Variants in SPECC1L observed in about 807,000 individuals in gnomAD.
The protein encoded by SPECC1L is sperm antigen with calponin homology and coiled-coil domains 1 like.
SPECC1L carries 40 observed loss-of-function variants against 116.8 expected under a neutral mutation model. That is an observed-to-expected ratio of 0.34 (90% CI 0.27 to 0.45). The LOEUF is 0.45. Among genes scored for constraint, SPECC1L ranks in the 20% least tolerant of loss-of-function variants. The probability of loss-of-function intolerance (pLI) is 1.00; values close to 1 mark genes in which losing one functional copy is unlikely to be tolerated. For synonymous variants in SPECC1L, 504 were observed against 500.6 expected, an observed-to-expected ratio of 1.01 and a Z score of -0.09; for missense variants, 1,110 against 1,373.6, an observed-to-expected ratio of 0.81 and a Z score of 3.03.
chr22:24,339,811 C>T (rs2041135506), intron 10 of SPECC1L, among the ~76,000 whole-genome samples: 1 of 152,158 alleles, frequency 6.6e-6, no homozygotes, highest in Non-Finnish European at 1.5e-5. Flanking sequence ...GAAACGGGGT[C>T]TCCCTCTGTC....
At chr22:24,355,126 A>G (rs1160369826) in intron 11 of SPECC1L, among the ~76,000 whole-genome samples, 1 of 151,756 alleles carries the variant, frequency 6.6e-6, no homozygotes, top group Non-Finnish European at 1.5e-5. Flanking sequence ...TAAAAATACA[A>G]AAATTAATTA....
At chr22:24,280,759 T>A (rs1301413422) in intron 2 of SPECC1L, among the ~76,000 whole-genome samples, 1 of 151,992 alleles carries the variant, frequency 6.6e-6, no homozygotes, top group Non-Finnish European at 1.5e-5. Context: ...TGTATTTTTT[T>A]GTAGAGGCGG....
chr22:24,312,486 T>C (rs937136066), intron 3 of SPECC1L, among the ~76,000 whole-genome samples: 1 of 152,228 alleles, frequency 6.6e-6, no homozygotes, highest in Admixed American at 6.5e-5. Flanking sequence ...GTTGGCTAAC[T>C]CATGCCAAAG....
At chr22:24,371,579 C>G (rs1224538161) in intron 14 of SPECC1L, among the ~76,000 whole-genome samples, 1 of 152,140 alleles carries the variant, frequency 6.6e-6, no homozygotes, top group African/African-American at 2.4e-5. Context: ...TTAAAGCACA[C>G]ACTCTAAATA....
At chr22:24,344,872 G>A (rs917345523) in intron 10 of SPECC1L, among the ~76,000 whole-genome samples, 6 of 152,102 alleles carry the variant, frequency 3.9e-5, no homozygotes, top group African/African-American at 9.7e-5. Flanking sequence ...AAATATTGCC[G>A]AGAAAAATTG....
chr22:24,322,638 A>G lies in SPECC1L; in HGVS notation c.1658A>G (p.Lys553Arg), dbSNP rs1401917255. ...HMERIIESEQ[K>R]GKAALAATLE... Reference sequence around the variant, plus strand: ...GAGCGAATTATTGAGTCTGAGCAGAAAGGAAAAGCAGCCTTGGCAGCCACG... The same window carrying G: ...GAGCGAATTATTGAGTCTGAGCAGAGAGGAAAAGCAGCCTTGGCAGCCACG... The change falls in exon 5 of 17, where the codon AAA (lysine) becomes AGA (arginine). Residue 553 changes from lysine (K) to arginine (R), a missense_variant. Coordinates refer to ENST00000314328, the MANE Select transcript of SPECC1L (RefSeq NM_015330.6). The G allele has an allele frequency of 6.2e-7, 1 of 1,613,998 alleles. No individual in the cohort carries two copies. The highest frequency in any genetic ancestry group is 1.1e-5 in the South Asian group (1 of 91,044).
At chr22:24,342,185 G>A (rs373549891) in intron 10 of SPECC1L, among the ~76,000 whole-genome samples, 13 of 152,290 alleles carry the variant, frequency 8.5e-5, no homozygotes, top group Admixed American at 5.2e-4. Context: ...AATCTGGCAT[G>A]CAATAAAAAA....
chr22:24,382,241 C>CT (rs2042075626), intron 14 of SPECC1L, among the ~76,000 whole-genome samples: 3 of 152,238 alleles, frequency 2.0e-5, no homozygotes, highest in African/African-American at 7.2e-5. Flanking sequence ...TTTACCCCTG[C>CT]TTTTTTCCCT....
chr22:24,409,000 C>T (rs866080480), intron 14 of SPECC1L, among the ~76,000 whole-genome samples: 5 of 152,232 alleles, frequency 3.3e-5, no homozygotes, highest in Non-Finnish European at 7.3e-5. Flanking sequence ...CCTTGCAGCT[C>T]TGAGCCTGGG....
chr22:24,392,923 G>T (rs1194107961), intron 14 of SPECC1L, among the ~76,000 whole-genome samples: 1 of 152,228 alleles, frequency 6.6e-6, no homozygotes, highest in Non-Finnish European at 1.5e-5. Context: ...TGTGGCCAGA[G>T]CACTTCTATG....
chr22:24,329,044 C>T (rs1337566064), intron 7 of SPECC1L, 125 bp downstream of exon 7: 1 of 758,814 alleles, frequency 1.3e-6, no homozygotes, highest in Non-Finnish European at 2.3e-6. Context: ...CCCCATTGGG[C>T]TTTGGGCAGA....
intron 14 of SPECC1L, among the ~76,000 whole-genome samples, chr22:24,400,321 A>G (rs1443054143): frequency 1.3e-5 from 2 of 152,228 alleles, no homozygotes; most frequent in East Asian, 3.8e-4. Context: ...AGAATCATAC[A>G]GTATGTAGCC....
intron 13 of SPECC1L, among the ~76,000 whole-genome samples, chr22:24,368,795 C>T (rs372172682): frequency 2.0e-5 from 3 of 152,098 alleles, no homozygotes; most frequent in East Asian, 1.9e-4. Flanking sequence ...TACAGACACC[C>T]GCCACCATGC....
At chr22:24,399,618 T>G (rs1194054115) in intron 14 of SPECC1L, among the ~76,000 whole-genome samples, 1 of 151,992 alleles carries the variant, frequency 6.6e-6, no homozygotes, top group Non-Finnish European at 1.5e-5. Context: ...CAAAACATAC[T>G]ATAGATTTTG....
chr22:24,332,882 A>G (rs144330294), intron 8 of SPECC1L, among the ~76,000 whole-genome samples: 322 of 152,284 alleles, frequency 2.1e-3, no homozygotes, highest in Middle Eastern at 6.8e-3. Context: ...TAGGAGTAGA[A>G]AGGGGCTCTA....
At chr22:24,302,147 G>T (rs200832283) in intron 2 of SPECC1L, 48 bp from the exon 3 acceptor site, 6 of 1,379,878 alleles carry the variant, frequency 4.3e-6, no homozygotes, top group Non-Finnish European at 6.1e-6. Context: ...TTTCTAAAGC[G>T]CTTCCTTCCA....
intron 14 of SPECC1L, among the ~76,000 whole-genome samples, chr22:24,396,825 A>C (rs1370261728): frequency 6.6e-6 from 1 of 152,016 alleles, no homozygotes; most frequent in Non-Finnish European, 1.5e-5. Context: ...ACCCTACCCT[A>C]CTGTGTTTTA....
chr22:24,341,708 C>G (rs908575639), intron 10 of SPECC1L, among the ~76,000 whole-genome samples: 1 of 152,172 alleles, frequency 6.6e-6, no homozygotes, highest in Non-Finnish European at 1.5e-5. Context: ...TATGGCAAAG[C>G]AAAAGAAGTG....
rs1267898229 is a variant in SPECC1L at position 24,311,116 on chromosome 22, A to T, written c.154-2197A>T. ...TGTTTCACTAGTTTATTCTTGTTCC[A>T]GTGCTGTACTGTCTTAATCATTATA... On this transcript the variant is annotated intron_variant, in intron 3 of 16. Coordinates refer to ENST00000314328, the MANE Select transcript of SPECC1L (RefSeq NM_015330.6). Among the ~76,000 whole-genome samples the T allele has an allele frequency of 2.0e-5, 3 of 152,146 alleles. No individual in the cohort carries two copies. In the East Asian group the frequency reaches 5.8e-4, roughly 29 times the overall value.
Sources: gnomAD v4.1 joint callset for allele counts (sites outside exome capture counted in the v4.1 genomes callset) on GRCh38, gnomAD v4.1.1 for gene constraint, MANE v1.5 for transcripts, NCBI Gene and HGNC (gene_info 2026-07-23, HGNC 2026-07-21) for gene names.